Variants in MROH2B observed in about 807,000 individuals in gnomAD.
The protein encoded by MROH2B is maestro heat-like repeat-containing protein family member 2B.
MROH2B carries 177 observed loss-of-function variants against 208.6 expected under a neutral mutation model. That is an observed-to-expected ratio of 0.85 (90% CI 0.75 to 0.96). The LOEUF is 0.96. MROH2B is among the 40% of genes least tolerant of loss of function. MROH2B has a pLI of 0.00. For synonymous variants in MROH2B, 728 were observed against 659.0 expected (o/e 1.10, Z -1.60); for missense variants, 2,002 against 1,878.7 (o/e 1.07, Z -1.21).
intron 38 of MROH2B, 58 bp from the exon 39 acceptor site, chr5:41,000,409 G>T (rs1741353847): frequency 2.5e-6 from 4 of 1,587,514 alleles, no homozygotes; most frequent in Admixed American, 3.7e-5. Context: ...CTTCCAGAAG[G>T]GAAAAAATGC....
At chr5:41,014,950 A>T (rs367654571) in intron 29 of MROH2B, among the ~76,000 whole-genome samples, 59 of 152,226 alleles carry the variant, frequency 3.9e-4, no homozygotes, top group Non-Finnish European at 7.5e-4. Context: ...AGAGCTTTAC[A>T]TATGGTAGGT....
chr5:41,062,820 A>T (rs1312922950), intron 5 of MROH2B, among the ~76,000 whole-genome samples: 2 of 151,876 alleles, frequency 1.3e-5, no homozygotes, highest in African/African-American at 4.8e-5. Context: ...ATAATAGTTT[A>T]TTTCTTGGTG....
chr5:41,027,398 C>A (rs1395248299), intron 24 of MROH2B, among the ~76,000 whole-genome samples: 2 of 152,072 alleles, frequency 1.3e-5, no homozygotes, highest in Admixed American at 6.6e-5. Flanking sequence ...AGACACTTCT[C>A]AAAAGAAGAC....
chr5:41,062,854 G>A (rs1743683648), intron 5 of MROH2B, among the ~76,000 whole-genome samples: 2 of 152,110 alleles, frequency 1.3e-5, no homozygotes, highest in Non-Finnish European at 2.9e-5. Context: ...CTGTGTGTGT[G>A]TATGTGTGTA....
chr5:41,067,254 T>C, intron 2 of MROH2B, 36 bp from the exon 3 acceptor site: 2 of 1,279,748 alleles, frequency 1.6e-6, no homozygotes, highest in Non-Finnish European at 2.2e-6. Flanking sequence ...GAAATTTGGC[T>C]TGCAAAAATA....
At chr5:41,065,784 C>G (rs917355071) in intron 3 of MROH2B, among the ~76,000 whole-genome samples, 1 of 152,108 alleles carries the variant, frequency 6.6e-6, no homozygotes, top group Non-Finnish European at 1.5e-5. Flanking sequence ...AAAGTGCAAT[C>G]AAGTTACCTC....
At chr5:41,064,763 G>T (rs756595180) in intron 4 of MROH2B, among the ~76,000 whole-genome samples, 193 bp from the exon 5 acceptor site, 11 of 152,122 alleles carry the variant, frequency 7.2e-5, no homozygotes, top group Admixed American at 2.0e-4. Context: ...ATCAAGGAAG[G>T]GCTGGTTGAA....
At chr5:41,002,960 GC>G (rs200469431) in intron 37 of MROH2B, among the ~76,000 whole-genome samples, 11 of 135,104 alleles carry the variant, frequency 8.1e-5, no homozygotes, top group African/African-American at 3.0e-4. Context: ...ATTAAAAATT[GC>G]TTTTTTTTTT....
At position 41,018,882 on chromosome 5, in the gene MROH2B, C is replaced by G. The variant is rs1219909112; in HGVS notation, c.2577+1G>C. 3 of 1,613,780 alleles carry G rather than the reference C, an allele frequency of 1.9e-6. No individual in the cohort carries two copies. Among genetic ancestry groups the G allele is most frequent in the Non-Finnish European group, 2.5e-6 (3 of 1,179,876 alleles). On this transcript the variant is annotated splice_donor_variant, in intron 25 of 41. Coordinates refer to ENST00000399564, the MANE Select transcript of MROH2B (RefSeq NM_173489.5). LOFTEE classifies it high-confidence loss of function. ...CCTACTTAGGCCTCACTAGTGCATA[C>G]TTGAATGTGCTCCTTGTCCTTGTCT... is the stretch of plus-strand genomic sequence containing the variant.
Position 41,039,966 on chromosome 5 carries a change from G to A in MROH2B, c.1954-411C>T, listed in dbSNP as rs543677986. Among the ~76,000 whole-genome samples, 3 of 152,216 alleles carry A rather than the reference G, an allele frequency of 2.0e-5. No individual in the cohort carries two copies. The South Asian group carries it at 6.2e-4, about 32-fold the overall frequency. On this transcript the variant is annotated intron_variant, in intron 19 of 41. Transcript: ENST00000399564. ...GCCATTAGACTATCTGGAAAGGAGA[G>A]TTTCAATCAGAGAGAAGGTAAGTGC...
In MROH2B at chr5:41,007,336, T is replaced by A. The variant is rs376500292; in HGVS notation, c.3727A>T (p.Ile1243Leu). The A allele has an allele frequency of 6.8e-6, 10 of 1,479,504 alleles. No homozygotes were observed. Among genetic ancestry groups the A allele is most frequent in the African/African-American group, 1.4e-5 (1 of 70,064 alleles). 91.6% of individuals were successfully genotyped at this position (1,479,504 alleles called of 1,614,324 possible). A position where few individuals can be genotyped will look rare whatever the true frequency, so the allele number is the denominator to read the frequency against. Reference protein sequence around the residue: ...TLLSSPSTHHIGVCSLARSMA... With the variant: ...TLLSSPSTHHLGVCSLARSMA... Reference sequence around the variant, plus strand: ...TACCTGGCCAGTGAACATACGCCTATGTGGTGGGTACTAGGACTGCTGAGT... The same window carrying A: ...TACCTGGCCAGTGAACATACGCCTAAGTGGTGGGTACTAGGACTGCTGAGT... Residue 1243 changes from isoleucine to leucine, a missense_variant, in exon 34 of 42, where the codon ATA becomes TTA. Transcript: ENST00000399564.
At chr5:41,061,358 G>A (rs985506260) in intron 6 of MROH2B, among the ~76,000 whole-genome samples, 14 of 152,046 alleles carry the variant, frequency 9.2e-5, no homozygotes, top group African/African-American at 3.4e-4. Context: ...AATAGTGTCT[G>A]GCATGTCATG....
chr5:40,998,444 G>A (rs536888942), intron 41 of MROH2B, among the ~76,000 whole-genome samples, 168 bp downstream of exon 41: 3 of 152,304 alleles, frequency 2.0e-5, no homozygotes, highest in East Asian at 3.9e-4. Flanking sequence ...GCTGGAGCTG[G>A]AGATTGCTTT....
At chr5:41,012,427 T>C (rs768611259) in intron 30 of MROH2B, among the ~76,000 whole-genome samples, 156 bp downstream of exon 30, 68 of 152,352 alleles carry the variant, frequency 4.5e-4, no homozygotes, top group Middle Eastern at 3.4e-3. Flanking sequence ...GTGAGCCTTG[T>C]TGTTAAACAC....
chr5:41,040,072 C>T (rs934673738), intron 19 of MROH2B, among the ~76,000 whole-genome samples: 4 of 152,138 alleles, frequency 2.6e-5, no homozygotes, highest in Non-Finnish European at 4.4e-5. Context: ...CAGGAGGTGG[C>T]GGGTTCATTA....
At chr5:41,011,186 A>C (rs1201982922) in intron 30 of MROH2B, among the ~76,000 whole-genome samples, 1 of 152,212 alleles carries the variant, frequency 6.6e-6, no homozygotes, top group Non-Finnish European at 1.5e-5. Context: ...ATCTATCTTA[A>C]AGTAACTCTG....
intron 29 of MROH2B, 36 bp from the exon 30 acceptor site, chr5:41,012,771 C>G: frequency 1.9e-6 from 3 of 1,610,320 alleles, no homozygotes; most frequent in Non-Finnish European, 2.5e-6. Flanking sequence ...TGTAATCAAC[C>G]ACCCCATTTT....
intron 34 of MROH2B, 107 bp from the exon 35 acceptor site, chr5:41,005,752 TG>T: frequency 3.2e-6 from 3 of 934,088 alleles, no homozygotes; most frequent in Non-Finnish European, 4.9e-6. Context: ...AATGCTTGGC[TG>T]GGGGTGGTGG....
intron 28 of MROH2B, among the ~76,000 whole-genome samples, chr5:41,016,691 G>A (rs920822901): frequency 6.6e-6 from 1 of 151,698 alleles, no homozygotes; most frequent in African/African-American, 2.4e-5. Context: ...ATGTTGGCCA[G>A]GCTGGTCTTG....
Sources: allele counts gnomAD v4.1 joint callset (sites outside exome capture counted in the v4.1 genomes callset), GRCh38; gene constraint gnomAD v4.1.1; transcripts MANE v1.5; gene names NCBI Gene and HGNC (gene_info 2026-07-23, HGNC 2026-07-21).